The following PGBD1 variants were observed in gnomAD, a reference collection of about 807,000 sequenced individuals.
The protein encoded by PGBD1 is piggyBac transposable element-derived protein 1.
Under a neutral mutation model 34.7 loss-of-function variants are expected in PGBD1, and 25 were observed. The observed-to-expected ratio is 0.72, with a 90% CI of 0.52 to 1.00. PGBD1 has a LOEUF of 1.00. PGBD1 is among the 50% of genes least tolerant of loss of function. PGBD1 has a pLI of 0.00. For synonymous variants in PGBD1, 292 were observed against 335.7 expected (o/e 0.87, Z 1.42); for missense variants, 830 against 959.4 (o/e 0.87, Z 1.78).
At chr6:28,298,882 C>T (rs1762738241) in intron 6 of PGBD1, among the ~76,000 whole-genome samples, 1 of 151,970 alleles carries the variant, frequency 6.6e-6, no homozygotes, top group African/African-American at 2.4e-5. Context: ...TCTGGTGAGG[C>T]CATTTGGTCC....
chr6:28,297,845 T>TAAAAAA, intron 5 of PGBD1, 50 bp from the exon 6 acceptor site: 3 of 283,632 alleles, frequency 1.1e-5, no homozygotes, highest in East Asian at 1.4e-4. Context: ...TTTTTTTTTT[T>TAAAAAA]CAAAATTCAC....
chr6:28,302,020 G>C lies in PGBD1; in HGVS notation c.2166G>C (p.Gln722His). The stretch of plus-strand genomic sequence containing the variant: ...ATGCTGATAACGAAGAAATCCCTCA[G>C]ATAAGTCAACCATCCATAGTAAAAG... ...CCDADNEEIP[Q>H]ISQPSIVKVY... Residue 722 changes from glutamine (Q) to histidine (H), a missense_variant, in exon 7 of 7, where the codon CAG becomes CAC. Coordinates refer to ENST00000682144, the MANE Select transcript of PGBD1 (RefSeq NM_032507.4). The C allele has an allele frequency of 2.5e-6, 4 of 1,614,192 alleles. No individual in the cohort carries two copies. The highest frequency in any genetic ancestry group is 3.4e-6 in the Non-Finnish European group (4 of 1,180,016).
At chr6:28,284,427 C>A (rs1227583899) in intron 2 of PGBD1, among the ~76,000 whole-genome samples, 3 of 151,956 alleles carry the variant, frequency 2.0e-5, no homozygotes, top group South Asian at 2.1e-4. Context: ...TGCATTCCCC[C>A]CCCCCAAGAT....
intron 5 of PGBD1, 50 bp from the exon 6 acceptor site, chr6:28,297,845 T>TTTTAAAAATAAAAAA: frequency 1.8e-5 from 5 of 283,628 alleles, no homozygotes; most frequent in East Asian, 6.9e-5. Context: ...TTTTTTTTTT[T>TTTTAAAAATAAAAAA]CAAAATTCAC....
chr6:28,293,957 A>C (rs1207127024), intron 4 of PGBD1, among the ~76,000 whole-genome samples: 1 of 152,216 alleles, frequency 6.6e-6, no homozygotes. Context: ...AGAAGTGATT[A>C]AGTATAGTAA....
At chr6:28,287,475 A>G (rs1024238725) in intron 4 of PGBD1, among the ~76,000 whole-genome samples, 1 of 152,168 alleles carries the variant, frequency 6.6e-6, no homozygotes, top group Non-Finnish European at 1.5e-5. Context: ...ATGTTGAGTA[A>G]CTGATATTTT....
At chr6:28,295,716 T>C (rs1581636789) in intron 4 of PGBD1, among the ~76,000 whole-genome samples, 1 of 152,372 alleles carries the variant, frequency 6.6e-6, no homozygotes, top group Middle Eastern at 3.4e-3. Flanking sequence ...CATAGTATAG[T>C]GTAAACATGA....
Position 28,300,287 on chromosome 6 carries a change from C to T in PGBD1, c.870-437C>T, listed in dbSNP as rs1310231861. On this transcript the variant is annotated intron_variant, in intron 6 of 6. Transcript: ENST00000682144. This position sits in a 1 kb window ranked among gnomAD's most constrained non-coding sequence, Gnocchi z 4.0. ...GGAGTAAAATAGATGGTTCTGGAAA[C>T]CTCAGTTTCTTACTGACAGAAGTTA... Among the ~76,000 whole-genome samples the T allele has an allele frequency of 3.3e-5, 5 of 152,148 alleles. No individual in the cohort carries two copies. Among genetic ancestry groups the T allele is most frequent in the African/African-American group, 4.8e-5 (2 of 41,424 alleles).
intron 4 of PGBD1, 27 bp from the exon 5 acceptor site, chr6:28,296,789 G>C (rs762405454): frequency 1.2e-6 from 2 of 1,613,110 alleles, no homozygotes; most frequent in East Asian, 2.2e-5. Context: ...AAAACAAAGA[G>C]GCTATTTTCT....
At chr6:28,298,390 G>C (rs1473054762) in intron 6 of PGBD1, among the ~76,000 whole-genome samples, 1 of 152,094 alleles carries the variant, frequency 6.6e-6, no homozygotes. Flanking sequence ...GACAAGCAGG[G>C]TACAGGTTGA....
Position 28,301,228 on chromosome 6 carries a change from G to A in PGBD1, c.1374G>A (p.Arg458=), listed in dbSNP as rs955061996. The A allele has an allele frequency of 1.2e-6, 2 of 1,614,012 alleles. No individual in the cohort carries two copies. The highest frequency in any genetic ancestry group is 1.7e-6 in the Non-Finnish European group (2 of 1,180,034). ...VSLEVTVQEM[R]CVFGVLLLSG... is the part of the protein sequence containing the mutation. ...TGGAAGTCACAGTTCAGGAAATGAG[G>A]TGTGTGTTTGGTGTCTTACTTTTGA... The change falls in exon 7 of 7, where the codon AGG becomes AGA. Residue 458 remains arginine, a synonymous_variant. Transcript: ENST00000682144.
chr6:28,284,423 C>T (rs1168495937), intron 2 of PGBD1, among the ~76,000 whole-genome samples: 1 of 45,576 alleles, frequency 2.2e-5, no homozygotes, highest in Non-Finnish European at 3.3e-5. Flanking sequence ...GAAGTGCATT[C>T]CCCCCCCCCA....
chr6:28,282,242 A>G (rs1238937863), intron 1 of PGBD1, among the ~76,000 whole-genome samples: 1 of 152,260 alleles, frequency 6.6e-6, no homozygotes, highest in Non-Finnish European at 1.5e-5. Context: ...TGGGAAGACC[A>G]TGGCTTTCTT....
chr6:28,301,386 G>C lies in PGBD1; in HGVS notation c.1532G>C (p.Gly511Ala), dbSNP rs761856812. ...IFSNLHFADNGHLDQKDKFTK... is the reference protein window; with the variant it reads ...IFSNLHFADNAHLDQKDKFTK... ...TCAAACCTGCACTTTGCAGATAATG[G>C]CCACCTAGATCAAAAAGATAAGTTT... Residue 511 changes from glycine to alanine, a missense_variant, in exon 7 of 7, where the codon GGC (glycine) becomes GCC (alanine). By Grantham distance (60) the Gly-to-Ala change is moderately conservative. Around this residue, in one of 3 missense-constraint regions of PGBD1, gnomAD observed 372 missense variants for 427.9 expected, o/e 0.87. Coordinates refer to ENST00000682144, the MANE Select transcript of PGBD1 (RefSeq NM_032507.4). 1 of 1,614,044 alleles carries C rather than the reference G, an allele frequency of 6.2e-7. No homozygotes were observed. The highest frequency in any genetic ancestry group is 1.1e-5 in the South Asian group (1 of 91,076).
At position 28,301,100 on chromosome 6, in the gene PGBD1, AAGTTGAACCC is replaced by A; in HGVS notation, c.1250_1259del (p.Leu417Ter). 1 of 1,614,222 alleles carries A rather than the reference AAGTTGAACCC, an allele frequency of 6.2e-7. No homozygotes were observed. The highest frequency in any genetic ancestry group is 8.5e-7 in the Non-Finnish European group (1 of 1,180,040). On this transcript the variant is annotated frameshift_variant, in exon 7 of 7. Coordinates refer to ENST00000682144, the MANE Select transcript of PGBD1 (RefSeq NM_032507.4). LOFTEE classifies it low-confidence loss of function (END_TRUNC). ...TGGACTTTTGAATCTCAAGAGCGAA[AAGTTGAACCC>A]AGTAGAGCTTTTTGAATTATTTTTT... is the stretch of plus-strand genomic sequence containing the variant.
chr6:28,301,304 A>T lies in PGBD1; in HGVS notation c.1450A>T (p.Thr484Ser), dbSNP rs1561892978. The stretch of plus-strand genomic sequence containing the variant: ...GGAAATGTATTGGGAAGTCTCTGAC[A>T]CCGATCAGAACCTGGTTAGAGATGC... ...RREMYWEVSD[T>S]DQNLVRDAIR... is the part of the protein sequence containing the mutation. Residue 484 changes from threonine (T) to serine (S), a missense_variant, in exon 7 of 7, where the codon ACC (threonine) becomes TCC (serine). Around this residue, in one of 3 missense-constraint regions of PGBD1, gnomAD observed 372 missense variants for 427.9 expected, o/e 0.87. Coordinates refer to ENST00000682144, the MANE Select transcript of PGBD1 (RefSeq NM_032507.4). 3 of 1,614,062 alleles carry T rather than the reference A, an allele frequency of 1.9e-6. No individual in the cohort carries two copies. The highest frequency in any genetic ancestry group is 2.7e-5 in the African/African-American group (2 of 74,936).
chr6:28,284,008 C>T lies in PGBD1; in HGVS notation c.195C>T (p.Leu65=). ...AHGPQEALAQ[L]RELCHQWLRP... Reference sequence around the variant, plus strand: ...GACCCCAGGAAGCTCTGGCCCAACTCCGAGAACTTTGTCATCAATGGCTGA... The same window carrying T: ...GACCCCAGGAAGCTCTGGCCCAACTTCGAGAACTTTGTCATCAATGGCTGA... The change falls in exon 2 of 7, where the codon CTC becomes CTT. Residue 65 remains leucine (L), a synonymous_variant. Coordinates refer to ENST00000682144, the MANE Select transcript of PGBD1 (RefSeq NM_032507.4). 6.2e-7 allele frequency: 1 copy of T among 1,614,168 alleles called. No individual in the cohort carries two copies. The highest frequency in any genetic ancestry group is 8.5e-7 in the Non-Finnish European group (1 of 1,179,996).
chr6:28,285,603 A>G lies in PGBD1; in HGVS notation c.449A>G (p.Gln150Arg), dbSNP rs758437175. 5 of 1,614,088 alleles carry G rather than the reference A, an allele frequency of 3.1e-6. No homozygotes were observed. The highest frequency in any genetic ancestry group is 4.2e-6 in the Non-Finnish European group (5 of 1,179,924). ...QDMHPMVAEY[Q>R]GVSLECQSLQ... The stretch of plus-strand genomic sequence containing the variant: ...ATGCACCCAATGGTGGCAGAATATC[A>G]AGGAGTCTCTTTGGAGTGTCAGAGC... The change falls in exon 3 of 7, where the codon CAA becomes CGA. Residue 150 changes from glutamine (Q) to arginine (R), a missense_variant. Around this residue, in one of 3 missense-constraint regions of PGBD1, gnomAD observed 457 missense variants for 515.4 expected, o/e 0.89. Coordinates refer to ENST00000682144, the MANE Select transcript of PGBD1 (RefSeq NM_032507.4).
intron 4 of PGBD1, among the ~76,000 whole-genome samples, chr6:28,294,673 A>G (rs1762574781): frequency 6.6e-6 from 1 of 152,228 alleles, no homozygotes; most frequent in African/African-American, 2.4e-5. Flanking sequence ...ATGATAGCAC[A>G]TCTGTTTACA....
Sources: gnomAD v4.1 joint callset for allele counts (sites outside exome capture counted in the v4.1 genomes callset) on GRCh38, gnomAD v4.1.1 for gene constraint, gnomAD v4.1.1 regional missense constraint, Gnocchi (gnomAD v3.1) non-coding constraint, MANE v1.5 for transcripts, NCBI Gene and HGNC (gene_info 2026-07-23, HGNC 2026-07-21) for gene names.